The following RAB6A variants were observed in gnomAD, a reference collection of about 807,000 sequenced individuals.
The protein encoded by RAB6A is RAB6A, member RAS oncogene family, also known as ras-related protein Rab-6A.
A neutral mutation model predicts 32.3 loss-of-function variants in RAB6A; 8 were observed. The observed-to-expected ratio is 0.25, with a 90% CI of 0.15 to 0.45. The LOEUF is 0.45. RAB6A is among the 20% of genes least tolerant of loss of function. RAB6A has a pLI of 1.00. For missense variants in RAB6A, 104 were observed against 249.4 expected (o/e 0.42, Z 3.93); for synonymous variants, 73 against 82.1 (o/e 0.89, Z 0.60).
intron 2 of RAB6A, among the ~76,000 whole-genome samples, chr11:73,726,391 G>C (rs1946221000): frequency 6.6e-6 from 1 of 151,090 alleles, no homozygotes; most frequent in Non-Finnish European, 1.5e-5. Flanking sequence ...GACCATCCTG[G>C]CTAGCACAGT....
intron 1 of RAB6A, among the ~76,000 whole-genome samples, chr11:73,733,794 G>A (rs959916545): frequency 1.3e-5 from 2 of 152,000 alleles, no homozygotes; most frequent in African/African-American, 4.8e-5. Context: ...AAGAAAAGTT[G>A]TAAGGGGTTT....
chr11:73,759,319 A>G (rs1475750695), intron 1 of RAB6A, among the ~76,000 whole-genome samples: 2 of 152,188 alleles, frequency 1.3e-5, no homozygotes, highest in African/African-American at 4.8e-5. Flanking sequence ...TCAAGTTTGT[A>G]TAATACAGCA....
chr11:73,755,032 C>T (rs1194802324), intron 1 of RAB6A, among the ~76,000 whole-genome samples: 1 of 151,374 alleles, frequency 6.6e-6, no homozygotes, highest in Non-Finnish European at 1.5e-5. Context: ...AAGGGACTCT[C>T]CTGCCTCAGC....
At chr11:73,737,096 C>A (rs995338240) in intron 1 of RAB6A, among the ~76,000 whole-genome samples, 2 of 151,596 alleles carry the variant, frequency 1.3e-5, no homozygotes, top group Non-Finnish European at 2.9e-5. Context: ...CTCAGTGAAA[C>A]TGAACAAGAA....
At position 73,760,235 on chromosome 11, in the gene RAB6A, G is replaced by T. The variant is rs754585536; in HGVS notation, c.70+331C>A. 5 of 764,386 alleles carry T rather than the reference G, an allele frequency of 6.5e-6. No individual in the cohort carries two copies. In the East Asian group the frequency reaches 2.0e-4, roughly 31 times the overall value. The allele number at this position is 764,386 out of a possible 1,614,324, so 47.4% of individuals were successfully genotyped here. A position where few individuals can be genotyped will look rare whatever the true frequency, so the allele number is the denominator to read the frequency against. On this transcript the variant is annotated intron_variant, in intron 1 of 7. Transcript: ENST00000336083. ...GTGGGGCTCAAGAAAGGGGGCCGGG[G>T]TACGGGCAATGACCGAGACCGGAGG... is the stretch of plus-strand genomic sequence containing the variant.
chr11:73,737,842 C>T (rs774192974), intron 1 of RAB6A, among the ~76,000 whole-genome samples: 1 of 151,538 alleles, frequency 6.6e-6, no homozygotes, highest in Non-Finnish European at 1.5e-5. Flanking sequence ...AAAAAAAATA[C>T]AAAAATTAGC....
chr11:73,697,811 G>A (rs1309928563), intron 6 of RAB6A, among the ~76,000 whole-genome samples: 3 of 152,188 alleles, frequency 2.0e-5, no homozygotes, highest in Admixed American at 2.0e-4. Flanking sequence ...GCATGCAGGA[G>A]GTGATCAACA....
chr11:73,732,958 G>A (rs868447036), intron 1 of RAB6A, among the ~76,000 whole-genome samples: 3 of 151,926 alleles, frequency 2.0e-5, no homozygotes, highest in Middle Eastern at 3.2e-3. Flanking sequence ...GATTACAGGC[G>A]TGTGCCACCA....
At chr11:73,746,007 A>G (rs1441970886) in intron 1 of RAB6A, among the ~76,000 whole-genome samples, 1 of 151,928 alleles carries the variant, frequency 6.6e-6, no homozygotes, top group Admixed American at 6.6e-5. Flanking sequence ...CAAAAAAAAA[A>G]AGAAAGAAAG....
chr11:73,739,932 ACCTGTAGTC>A (rs1034855223), intron 1 of RAB6A, among the ~76,000 whole-genome samples: 4 of 151,992 alleles, frequency 2.6e-5, no homozygotes, highest in African/African-American at 7.2e-5. Context: ...GGTGGCACAC[ACCTGTAGTC>A]CCAGCTACTC....
chr11:73,709,860 CATATAT>C (rs71065027), intron 5 of RAB6A, among the ~76,000 whole-genome samples: 1 of 146,412 alleles, frequency 6.8e-6, no homozygotes, highest in African/African-American at 2.5e-5. Context: ...TACATATATA[CATATAT>C]ACACATATAC....
intron 2 of RAB6A, among the ~76,000 whole-genome samples, chr11:73,724,250 AC>A (rs1946183361): frequency 6.6e-6 from 1 of 152,202 alleles, no homozygotes; most frequent in African/African-American, 2.4e-5. Flanking sequence ...CTCTTCCATG[AC>A]AAAAACATTC....
intron 6 of RAB6A, among the ~76,000 whole-genome samples, chr11:73,683,144 C>T (rs1207881116): frequency 6.6e-6 from 1 of 151,876 alleles, no homozygotes; most frequent in Admixed American, 6.6e-5. Flanking sequence ...CAGAAACAAT[C>T]TAGTACCTGA....
chr11:73,734,781 T>C (rs1334510350), intron 1 of RAB6A, among the ~76,000 whole-genome samples: 2 of 152,122 alleles, frequency 1.3e-5, no homozygotes, highest in African/African-American at 2.4e-5. Context: ...AGGAGTAATC[T>C]AAAATCTAGG....
intron 6 of RAB6A, among the ~76,000 whole-genome samples, chr11:73,680,886 G>A (rs1380552112): frequency 6.6e-6 from 1 of 152,146 alleles, no homozygotes; most frequent in African/African-American, 2.4e-5. Context: ...TCTTCAACAG[G>A]AGAAACGCAC....
intron 3 of RAB6A, among the ~76,000 whole-genome samples, chr11:73,719,640 ACT>A (rs1946105960): frequency 6.7e-6 from 1 of 149,416 alleles, no homozygotes; most frequent in African/African-American, 2.5e-5. Flanking sequence ...TTTTAGACAG[ACT>A]CTCATTCTTG....
chr11:73,754,155 T>C lies in RAB6A; in HGVS notation c.70+6411A>G, dbSNP rs186292464. ...GTAGCCACTGCTAAAACATGAAACC[T>C]AGACTCTTACTCTCCATCTCTACCA... On this transcript the variant is annotated intron_variant, in intron 1 of 7. Coordinates refer to ENST00000336083, the MANE Select transcript of RAB6A (RefSeq NM_198896.2). 9.2e-5 allele frequency among the ~76,000 whole-genome samples: 14 copies of C among 152,346 alleles called. No individual in the cohort carries two copies. In the East Asian group the frequency reaches 2.7e-3, roughly 29 times the overall value.
chr11:73,716,828 T>C (rs1329095263), intron 4 of RAB6A, among the ~76,000 whole-genome samples: 2 of 152,218 alleles, frequency 1.3e-5, no homozygotes, highest in South Asian at 2.1e-4. Flanking sequence ...ACACCACTGT[T>C]TGCACTGCTT....
chr11:73,724,612 G>A (rs1946189500), intron 2 of RAB6A, among the ~76,000 whole-genome samples: 1 of 150,764 alleles, frequency 6.6e-6, no homozygotes, highest in Non-Finnish European at 1.5e-5. Flanking sequence ...TCAGCCTCCT[G>A]AATAGCTGGG....
Sources: allele counts gnomAD v4.1 joint callset (sites outside exome capture counted in the v4.1 genomes callset), GRCh38; gene constraint gnomAD v4.1.1; transcripts MANE v1.5; gene names NCBI Gene and HGNC (gene_info 2026-07-23, HGNC 2026-07-21).